Variants in THADA observed in about 807,000 individuals in gnomAD.
THADA encodes the protein THADA armadillo repeat containing, also known as tRNA (32-2'-O)-methyltransferase regulator THADA.
In THADA, 213 loss-of-function variants were observed where a neutral mutation model predicts 219.8. The observed-to-expected ratio is 0.97, with a 90% CI of 0.87 to 1.09. The LOEUF (loss-of-function observed/expected upper bound fraction) is 1.09. Among genes scored for constraint, THADA ranks in the 50% least tolerant of loss-of-function variants. The pLI is 0.00. For missense variants in THADA, 2,956 were observed against 2,311.3 expected, an observed-to-expected ratio of 1.28 and a Z score of -5.72; for synonymous variants, 1,018 against 828.9, an observed-to-expected ratio of 1.23 and a Z score of -3.92.
intron 29 of THADA, among the ~76,000 whole-genome samples, chr2:43,388,527 T>G (rs1272260253): frequency 6.6e-6 from 1 of 152,224 alleles, no homozygotes; most frequent in East Asian, 1.9e-4. Flanking sequence ...AAGAGTCCTT[T>G]GTCTCAGACA....
At chr2:43,234,550 A>G (rs966112020) in intron 36 of THADA, among the ~76,000 whole-genome samples, 1 of 152,164 alleles carries the variant, frequency 6.6e-6, no homozygotes. Flanking sequence ...TACCTACAAT[A>G]CAATCTCCAT....
chr2:43,280,833 G>A (rs1025885460), intron 35 of THADA, among the ~76,000 whole-genome samples: 1 of 152,228 alleles, frequency 6.6e-6, no homozygotes, highest in Non-Finnish European at 1.5e-5. Flanking sequence ...CTTGTCCTGA[G>A]CAATCAAAAG....
At chr2:43,362,639 C>A (rs1291407186) in intron 29 of THADA, among the ~76,000 whole-genome samples, 2 of 152,078 alleles carry the variant, frequency 1.3e-5, no homozygotes, top group Non-Finnish European at 2.9e-5. Flanking sequence ...TCATTGTACA[C>A]CACCGTAGAC....
At chr2:43,488,666 C>A (rs1057279839) in intron 25 of THADA, among the ~76,000 whole-genome samples, 1 of 152,098 alleles carries the variant, frequency 6.6e-6, no homozygotes, top group Admixed American at 6.6e-5. Context: ...TTTGTGTGAA[C>A]ATGTTTTCAT....
Position 43,573,003 on chromosome 2 carries a change from A to C in THADA, c.1730-11T>G, listed in dbSNP as rs1021410187. The C allele has an allele frequency of 6.2e-7, 1 of 1,611,516 alleles. No homozygotes were observed. Among genetic ancestry groups the C allele is most frequent in the Admixed American group, 1.7e-5 (1 of 59,444 alleles). The stretch of plus-strand genomic sequence containing the variant: ...AAGATTGCTCTTGTCCTGAAAGCAC[A>C]ATAACAAAGACCATTACTGTATTAT... On this transcript the variant is annotated splice_polypyrimidine_tract_variant and intron_variant, in intron 11 of 37. Transcript: ENST00000405975.
intron 19 of THADA, among the ~76,000 whole-genome samples, chr2:43,549,690 T>C (rs1696524877): frequency 6.6e-6 from 1 of 152,172 alleles, no homozygotes; most frequent in Non-Finnish European, 1.5e-5. Flanking sequence ...GCTAATCATG[T>C]CAAAGAAGTG....
At chr2:43,488,558 C>A (rs968339367) in intron 25 of THADA, among the ~76,000 whole-genome samples, 2 of 152,042 alleles carry the variant, frequency 1.3e-5, no homozygotes, top group East Asian at 3.9e-4. Flanking sequence ...ACAGATATAC[C>A]GTATTTTTAA....
intron 26 of THADA, among the ~76,000 whole-genome samples, chr2:43,470,146 A>G (rs955928182): frequency 2.0e-5 from 3 of 150,546 alleles, no homozygotes; most frequent in African/African-American, 7.3e-5. Context: ...AGGTCGAGGC[A>G]GCAGTGGGCT....
Position 43,571,588 on chromosome 2 carries a change from G to C in THADA, c.2064+119C>G, listed in dbSNP as rs535984624. ...GGTCACAGAACGGCCGTCATGAACAGATGTGGTAGCCCAATTCCATGACCA... is the reference window on the plus strand; with the variant it reads ...GGTCACAGAACGGCCGTCATGAACACATGTGGTAGCCCAATTCCATGACCA... On this transcript the variant is annotated intron_variant, in intron 13 of 37. Transcript: ENST00000405975. 113 of 926,772 alleles carry C rather than the reference G, an allele frequency of 1.2e-4. No individual in the cohort carries two copies. The African/African-American group carries it at 1.5e-3, about 13-fold the overall frequency. 57.4% of individuals were successfully genotyped at this position (926,772 alleles called of 1,614,324 possible).
chr2:43,427,930 C>T (rs1253304584), intron 28 of THADA, among the ~76,000 whole-genome samples, 170 bp downstream of exon 28: 1 of 149,070 alleles, frequency 6.7e-6, no homozygotes, highest in African/African-American at 2.4e-5. Context: ...CACTCCAACC[C>T]AGGCGACAGA....
At chr2:43,594,392 C>A (rs1202524394) in intron 1 of THADA, among the ~76,000 whole-genome samples, 1 of 151,932 alleles carries the variant, frequency 6.6e-6, no homozygotes, top group Non-Finnish European at 1.5e-5. Context: ...CCAGCCTGGC[C>A]AACATGGTGA....
At chr2:43,576,499 T>C (rs1469246351) in intron 10 of THADA, among the ~76,000 whole-genome samples, 1 of 152,172 alleles carries the variant, frequency 6.6e-6, no homozygotes, top group African/African-American at 2.4e-5. Flanking sequence ...TAGTAGCCAT[T>C]TGAGGATCAC....
At chr2:43,423,898 C>T (rs1236126326) in intron 28 of THADA, among the ~76,000 whole-genome samples, 1 of 152,160 alleles carries the variant, frequency 6.6e-6, no homozygotes, top group Admixed American at 6.5e-5. Flanking sequence ...CCCTGGTGAG[C>T]TGCATTCAGA....
chr2:43,324,983 GA>G (rs1553390595), intron 30 of THADA, among the ~76,000 whole-genome samples: 1 of 152,228 alleles, frequency 6.6e-6, no homozygotes, highest in Non-Finnish European at 1.5e-5. Flanking sequence ...CTATGCGGAC[GA>G]AGTTGACATA....
chr2:43,255,734 C>G (rs1298661409), intron 36 of THADA, among the ~76,000 whole-genome samples: 1 of 152,202 alleles, frequency 6.6e-6, no homozygotes, highest in African/African-American at 2.4e-5. Flanking sequence ...TTAGGCCTCA[C>G]TCATTATCGG....
intron 28 of THADA, among the ~76,000 whole-genome samples, chr2:43,399,519 T>C (rs1229383908): frequency 1.3e-5 from 2 of 152,152 alleles, no homozygotes; most frequent in Non-Finnish European, 2.9e-5. Flanking sequence ...AATTTCATCA[T>C]GGTGTTGGGG....
chr2:43,447,730 T>C (rs993537063), intron 26 of THADA, among the ~76,000 whole-genome samples: 2 of 146,574 alleles, frequency 1.4e-5, no homozygotes, highest in Non-Finnish European at 3.0e-5. Context: ...TAACCTCCCA[T>C]AGCCTTAAGA....
intron 36 of THADA, among the ~76,000 whole-genome samples, chr2:43,238,184 AAGAAGGGAG>A (rs1369583247): frequency 1.3e-5 from 2 of 149,570 alleles, no homozygotes; most frequent in Non-Finnish European, 3.0e-5. Flanking sequence ...GGAGGAAGGA[AAGAAGGGAG>A]AGAAGGAAGA....
chr2:43,515,030 A>T lies in THADA; in HGVS notation c.3375-6250T>A, dbSNP rs796315757. On this transcript the variant is annotated intron_variant, in intron 22 of 37. Coordinates refer to ENST00000405975, the MANE Select transcript of THADA (RefSeq NM_022065.5). ...ATATATATTATATATTTTATATATA[A>T]TATATATAAATATATATATTTTATA... 7.3e-4 allele frequency among the ~76,000 whole-genome samples: 33 copies of T among 44,900 alleles called. 1 individual carries two copies. In the South Asian group the frequency reaches 7.5e-3, roughly 10 times the overall value. The allele number at this position is 44,900 out of a possible 152,430, so 29.5% of individuals were successfully genotyped here. A position where few individuals can be genotyped will look rare whatever the true frequency, so the allele number is the denominator to read the frequency against.
Sources: allele counts gnomAD v4.1 joint callset (sites outside exome capture counted in the v4.1 genomes callset), GRCh38; gene constraint gnomAD v4.1.1; transcripts MANE v1.5; gene names NCBI Gene and HGNC (gene_info 2026-07-23, HGNC 2026-07-21).